The following MIPEP variants were observed in gnomAD, a reference collection of about 807,000 sequenced individuals.
The protein encoded by MIPEP is mitochondrial intermediate peptidase.
In MIPEP, 79 loss-of-function variants were observed where a neutral mutation model predicts 90.3. The observed-to-expected ratio is 0.87, with a 90% confidence interval of 0.73 to 1.05. The LOEUF is 1.05. Among genes scored for constraint, MIPEP ranks in the 50% least tolerant of loss-of-function variants. The probability of loss-of-function intolerance (pLI) is 0.00; values close to 1 mark genes in which losing one functional copy is unlikely to be tolerated. For missense variants in MIPEP, 940 were observed against 905.6 expected, an observed-to-expected ratio of 1.04 and a Z score of -0.49; for synonymous variants, 334 against 315.8, an observed-to-expected ratio of 1.06 and a Z score of -0.61.
At chr13:23,826,308 A>G (rs1868449440) in intron 14 of MIPEP, among the ~76,000 whole-genome samples, 1 of 152,142 alleles carries the variant, frequency 6.6e-6, no homozygotes, top group South Asian at 2.1e-4. Flanking sequence ...GATCTAAACA[A>G]TACAATTAAA....
intron 10 of MIPEP, among the ~76,000 whole-genome samples, chr13:23,852,083 T>C (rs1335863686): frequency 6.6e-6 from 1 of 152,152 alleles, no homozygotes; most frequent in Non-Finnish European, 1.5e-5. Flanking sequence ...CTTCAACAAC[T>C]GTTGCTGATA....
intron 15 of MIPEP, among the ~76,000 whole-genome samples, chr13:23,808,568 G>A (rs1305877818): frequency 6.6e-6 from 1 of 152,170 alleles, no homozygotes; most frequent in Non-Finnish European, 1.5e-5. Flanking sequence ...GAGGGCGGAG[G>A]AGGGAAAGGT....
chr13:23,834,031 C>T lies in MIPEP; in HGVS notation c.1653+2209G>A, dbSNP rs1334251930. Among the ~76,000 whole-genome samples the T allele has an allele frequency of 4.6e-5, 7 of 152,216 alleles. No individual in the cohort carries two copies. The South Asian group carries it at 1.2e-3, about 27-fold the overall frequency. ...CCCTTTGCTGTCCCCTGCCTCCCAC[C>T]CTGACCCCTTCACCAGCCGTGTACT... On this transcript the variant is annotated intron_variant, in intron 14 of 18. Coordinates refer to ENST00000382172, the MANE Select transcript of MIPEP (RefSeq NM_005932.4).
intron 16 of MIPEP, among the ~76,000 whole-genome samples, chr13:23,789,276 A>T (rs114207605): frequency 6.6e-6 from 1 of 152,342 alleles, no homozygotes; most frequent in African/African-American, 2.4e-5. Context: ...GTTCAAATCT[A>T]CTACTCTTTG....
intron 16 of MIPEP, among the ~76,000 whole-genome samples, chr13:23,785,624 T>TTAAAAAAAAAAA (rs1952830282): frequency 8.4e-6 from 1 of 119,270 alleles, no homozygotes; most frequent in African/African-American, 3.6e-5. Context: ...TAAAGTATAA[T>TTAAAAAAAAAAA]AAAAAAAAAA....
Position 23,839,678 on chromosome 13 carries a change from A to C in MIPEP, c.1309T>G (p.Phe437Val), listed in dbSNP as rs763224314. The change falls in exon 12 of 19, where the codon TTT (phenylalanine) becomes GTT (valine). Residue 437 changes from phenylalanine to valine, a missense_variant. By Grantham distance (50) the Phe-to-Val change is conservative. Transcript: ENST00000382172. ...TGTGGTTTGTCTGCTCGCTGAAAAA[A>C]ATCACAGTAAATGTACCCCAACAAT... Reference protein sequence around the residue: ...EGLLGYIYCDFFQRADKPHQD... With the variant: ...EGLLGYIYCDVFQRADKPHQD... 2 of 1,613,306 alleles carry C rather than the reference A, an allele frequency of 1.2e-6. No individual in the cohort carries two copies. The highest frequency in any genetic ancestry group is 3.3e-5 in the Admixed American group (2 of 59,896).
At chr13:23,759,968 G>C (rs935189020) in intron 17 of MIPEP, 128 bp downstream of exon 17, 1 of 1,176,974 alleles carries the variant, frequency 8.5e-7, no homozygotes, top group South Asian at 1.4e-5. Context: ...TGTGTGGGGA[G>C]CCTGCCACTT....
At chr13:23,809,167 C>G (rs996123352) in intron 15 of MIPEP, among the ~76,000 whole-genome samples, 1 of 152,126 alleles carries the variant, frequency 6.6e-6, no homozygotes, top group Non-Finnish European at 1.5e-5. Flanking sequence ...CTAAAACTAA[C>G]AGCAATTACT....
rs1291438776 is a variant in MIPEP, at chr13:23,872,461, C to CA, written c.604-2267dup. ...GGGAAACAAGAGTGAAACTCTGTCT[C>CA]AAAAAATAATAATAATAATAAATAA... is the stretch of plus-strand genomic sequence containing the variant. On this transcript the variant is annotated intron_variant, in intron 5 of 18. Transcript: ENST00000382172. 4.6e-5 allele frequency among the ~76,000 whole-genome samples: 7 copies of CA among 152,004 alleles called. No individual in the cohort carries two copies. In the South Asian group the frequency reaches 1.5e-3, roughly 32 times the overall value.
intron 14 of MIPEP, among the ~76,000 whole-genome samples, chr13:23,831,703 C>A (rs549697785): frequency 6.6e-6 from 1 of 152,262 alleles, no homozygotes; most frequent in South Asian, 2.1e-4. Flanking sequence ...GAGAACCCAG[C>A]CTCCAGAGAG....
chr13:23,741,803 C>T (rs1952331623), intron 18 of MIPEP, among the ~76,000 whole-genome samples: 1 of 149,946 alleles, frequency 6.7e-6, no homozygotes, highest in African/African-American at 2.5e-5. Flanking sequence ...TGCACATGTA[C>T]ACCGAACCTA....
chr13:23,800,953 T>G (rs1340166777), intron 16 of MIPEP, among the ~76,000 whole-genome samples: 1 of 152,192 alleles, frequency 6.6e-6, no homozygotes, highest in Non-Finnish European at 1.5e-5. Context: ...CCAAGATGAG[T>G]TATTAATGCA....
intron 16 of MIPEP, among the ~76,000 whole-genome samples, chr13:23,800,227 G>T (rs1050951842): frequency 6.6e-6 from 1 of 152,188 alleles, no homozygotes; most frequent in Non-Finnish European, 1.5e-5. Context: ...AAGGCTAGAA[G>T]TTTCATCCCA....
intron 9 of MIPEP, 140 bp downstream of exon 9, chr13:23,862,151 ATATTTCAACAT>A (rs78403119): frequency 0.029 from 17,780 of 622,948 alleles, 366 homozygotes; most frequent in Non-Finnish European, 0.04. Context: ...TAAGAATCAA[ATATTTCAACAT>A]CTTTATTCAC....
At chr13:23,761,995 C>T (rs545098650) in intron 16 of MIPEP, among the ~76,000 whole-genome samples, 9 of 152,066 alleles carry the variant, frequency 5.9e-5, no homozygotes, top group African/African-American at 2.2e-4. Context: ...CGTGGCGGCA[C>T]AAGTCTGTAA....
rs144257267 is a variant in MIPEP, at chr13:23,865,142, G to A, written c.944-953C>T. Among the ~76,000 whole-genome samples the A allele has an allele frequency of 4.3e-3, 657 of 152,178 alleles. 8 individuals are homozygous for A. The highest frequency in any genetic ancestry group is 0.015 in the African/African-American group (603 of 41,528). On this transcript the variant is annotated intron_variant, in intron 7 of 18. Coordinates refer to ENST00000382172, the MANE Select transcript of MIPEP (RefSeq NM_005932.4). ...AAGGCAGTGCAGTAGAATTATCACCGTTTCCCACAAGAGGAAATGTTTTGC... is the reference window on the plus strand; with the variant it reads ...AAGGCAGTGCAGTAGAATTATCACCATTTCCCACAAGAGGAAATGTTTTGC...
chr13:23,812,853 AC>A (rs1246912807), intron 14 of MIPEP, among the ~76,000 whole-genome samples: 1 of 152,254 alleles, frequency 6.6e-6, no homozygotes, highest in Non-Finnish European at 1.5e-5. Context: ...ACATTGTAAT[AC>A]AAAAAACATT....
rs1019633060 is a variant in MIPEP, at chr13:23,837,544, T to C, written c.1543+8A>G. On this transcript the variant is annotated splice_region_variant and intron_variant, in intron 13 of 18. Transcript: ENST00000382172. ...CTGTAGTAAATAAAAGCCCTCCTCA[T>C]GGCTCACCAGTGACGTGTTGGTAAC... is the stretch of plus-strand genomic sequence containing the variant. 4 of 1,600,606 alleles carry C rather than the reference T, an allele frequency of 2.5e-6. No individual in the cohort carries two copies. The highest frequency in any genetic ancestry group is 2.7e-5 in the African/African-American group (2 of 74,844).
At chr13:23,853,697 A>G (rs191688084) in intron 10 of MIPEP, among the ~76,000 whole-genome samples, 196 of 152,140 alleles carry the variant, frequency 1.3e-3, no homozygotes, top group African/African-American at 4.5e-3. Context: ...AGTAGCTGGG[A>G]CTACAGGCAC....
Sources: allele counts gnomAD v4.1 joint callset (sites outside exome capture counted in the v4.1 genomes callset), GRCh38; gene constraint gnomAD v4.1.1; transcripts MANE v1.5; gene names NCBI Gene and HGNC (gene_info 2026-07-23, HGNC 2026-07-21).